The following VPS13D variants were observed in gnomAD, a reference collection of about 807,000 sequenced individuals.
VPS13D encodes the protein intermembrane lipid transfer protein VPS13D.
Under a neutral mutation model 461.9 loss-of-function variants are expected in VPS13D, and 187 were observed. That is an observed-to-expected ratio of 0.40 (90% CI 0.36 to 0.46). The LOEUF (loss-of-function observed/expected upper bound fraction) is 0.46, where lower values mean the gene tolerates loss of function less well. VPS13D is among the 20% of genes least tolerant of loss of function. The probability of loss-of-function intolerance (pLI) is 0.60; values close to 1 mark genes in which losing one functional copy is unlikely to be tolerated. For missense variants in VPS13D, 4,711 were observed against 5,364.9 expected, an observed-to-expected ratio of 0.88 and a Z score of 3.81; for synonymous variants, 1,951 against 1,986.3, an observed-to-expected ratio of 0.98 and a Z score of 0.47.
chr1:12,450,123 CA>C (rs1214266202), intron 65 of VPS13D, among the ~76,000 whole-genome samples: 1 of 149,208 alleles, frequency 6.7e-6, no homozygotes, highest in Non-Finnish European at 1.5e-5. Flanking sequence ...ACTCAGCCAG[CA>C]AAAAAAAAGA....
chr1:12,397,019 C>G (rs888985850), intron 60 of VPS13D, among the ~76,000 whole-genome samples: 2 of 152,118 alleles, frequency 1.3e-5, no homozygotes, highest in East Asian at 3.9e-4. Flanking sequence ...CTGCAACCTC[C>G]GCCTCCCAGG....
At chr1:12,480,143 C>T (rs1181220403) in intron 67 of VPS13D, among the ~76,000 whole-genome samples, 1 of 152,204 alleles carries the variant, frequency 6.6e-6, no homozygotes, top group Non-Finnish European at 1.5e-5. Flanking sequence ...AAATAATGAA[C>T]TACTGCAGCC....
intron 65 of VPS13D, among the ~76,000 whole-genome samples, chr1:12,431,911 A>G (rs1644996830): frequency 6.6e-6 from 1 of 152,180 alleles, no homozygotes; most frequent in African/African-American, 2.4e-5. Context: ...TCCCTTTATA[A>G]TTAGATTTAG....
At chr1:12,341,753 C>T (rs758784817) in intron 40 of VPS13D, 27 bp from the exon 41 acceptor site, 5 of 1,608,914 alleles carry the variant, frequency 3.1e-6, no homozygotes, top group Non-Finnish European at 4.3e-6. Context: ...GGGGCGTCTG[C>T]TCATAGCCTT....
Position 12,277,591 on chromosome 1 carries a change from G to A in VPS13D, c.4003G>A (p.Glu1335Lys), listed in dbSNP as rs1459123426. 2 of 1,613,756 alleles carry A rather than the reference G, an allele frequency of 1.2e-6. No individual in the cohort carries two copies. The highest frequency in any genetic ancestry group is 2.2e-5 in the East Asian group (1 of 44,906). Reference protein sequence around the residue: ...VTTVLATKTAEYSEMVSLFET... With the variant: ...VTTVLATKTAKYSEMVSLFET... ...CACAGTACTAGCTACCAAGACTGCC[G>A]AGTATAGCGAGATGGTATCGCTCTT... The change falls in exon 19 of 70, where the codon GAG becomes AAG. Residue 1335 changes from glutamate to lysine, a missense_variant. By Grantham distance (56) the Glu-to-Lys change is moderately conservative (BLOSUM62 1). Transcript: ENST00000620676.
Position 12,244,126 on chromosome 1 carries a change from A to T in VPS13D, c.176-120A>T, listed in dbSNP as rs554985131. Reference sequence around the variant, plus strand: ...GCAAGAGCCTGCTGCCTGTTGTTTTAAATAAAAAAAAGTAGTAACAGCAAT... The same window carrying T: ...GCAAGAGCCTGCTGCCTGTTGTTTTTAATAAAAAAAAGTAGTAACAGCAAT... On this transcript the variant is annotated intron_variant, in intron 3 of 69. Coordinates refer to ENST00000620676, the MANE Select transcript of VPS13D (RefSeq NM_015378.4). 1.9e-3 allele frequency: 1,944 copies of T among 1,003,206 alleles called. 4 individuals carry two copies. Among genetic ancestry groups the T allele is most frequent in the South Asian group, 2.5e-3 (135 of 54,934 alleles). 62.1% of individuals were successfully genotyped at this position (1,003,206 alleles called of 1,614,324 possible).
Position 12,314,986 on chromosome 1 carries a change from T to A in VPS13D, c.7148+659T>A, listed in dbSNP as rs149367277. Among the ~76,000 whole-genome samples the A allele has an allele frequency of 1.7e-3, 254 of 152,344 alleles. 3 individuals are homozygous for A. Among genetic ancestry groups the A allele is most frequent in the Middle Eastern group, 0.01 (3 of 294 alleles). ...CCACCTCATGGGGTAGAGGTAATAA[T>A]TAAAGTAATTCTGGCATATTGCTTG... On this transcript the variant is annotated intron_variant, in intron 30 of 69. Transcript: ENST00000620676.
At chr1:12,367,590 T>TTTATTTATTTATTTATTTA (rs1557736414) in intron 52 of VPS13D, 3 of 121,004 alleles carry the variant, frequency 2.5e-5, no homozygotes, top group African/African-American at 1.4e-4. Flanking sequence ...TTATTTATTT[T>TTTATTTATTTATTTATTTA]TGGAAACAGA....
intron 67 of VPS13D, among the ~76,000 whole-genome samples, chr1:12,474,820 TG>T (rs1477157097): frequency 1.6e-4 from 24 of 152,292 alleles, no homozygotes; most frequent in Admixed American, 1.4e-3. Flanking sequence ...AGGTAGCTCT[TG>T]GGGGAATAGC....
At chr1:12,392,833 G>A (rs781129820) in intron 60 of VPS13D, among the ~76,000 whole-genome samples, 14 of 152,152 alleles carry the variant, frequency 9.2e-5, no homozygotes, top group Non-Finnish European at 1.3e-4. Flanking sequence ...GGGTCATATG[G>A]CCCAGATGGC....
intron 54 of VPS13D, 25 bp downstream of exon 54, chr1:12,369,727 C>A: frequency 1.3e-6 from 2 of 1,599,980 alleles, no homozygotes; most frequent in South Asian, 2.2e-5. Context: ...AATTACTGTT[C>A]CTATAAAGCA....
chr1:12,332,728 G>A (rs1643361499), intron 37 of VPS13D, among the ~76,000 whole-genome samples: 1 of 151,896 alleles, frequency 6.6e-6, no homozygotes, highest in Admixed American at 6.6e-5. Context: ...GAGTGTTAGT[G>A]GTATTATTTT....
At chr1:12,315,249 CAA>C (rs1323191840) in intron 30 of VPS13D, among the ~76,000 whole-genome samples, 1 of 152,010 alleles carries the variant, frequency 6.6e-6, no homozygotes, top group East Asian at 1.9e-4. Flanking sequence ...TGTGTTTAAG[CAA>C]AAAACAGAAC....
intron 7 of VPS13D, among the ~76,000 whole-genome samples, chr1:12,255,238 G>A (rs186323205): frequency 5.0e-4 from 76 of 152,302 alleles, no homozygotes; most frequent in African/African-American, 1.8e-3. Flanking sequence ...GAGTCACCAT[G>A]CCCGGCAGGT....
At chr1:12,477,390 C>T (rs1479728130) in intron 67 of VPS13D, among the ~76,000 whole-genome samples, 1 of 152,156 alleles carries the variant, frequency 6.6e-6, no homozygotes, top group East Asian at 1.9e-4. Context: ...CCCACTAATA[C>T]ACAACAGCTC....
chr1:12,257,645 A>G (rs1343026248), intron 9 of VPS13D, among the ~76,000 whole-genome samples: 4 of 152,244 alleles, frequency 2.6e-5, no homozygotes, highest in African/African-American at 2.4e-5. Context: ...TTTACCTTAC[A>G]GTCAGCCTTC....
chr1:12,272,909 T>G (rs1006986187), intron 17 of VPS13D, 94 bp from the exon 18 acceptor site: 2 of 1,524,882 alleles, frequency 1.3e-6, no homozygotes, highest in Admixed American at 2.1e-5. Flanking sequence ...AGTCACTCCA[T>G]AATCCTAGCT....
chr1:12,285,292 ATTTAT>A (rs1641930295), intron 21 of VPS13D, among the ~76,000 whole-genome samples: 1 of 141,698 alleles, frequency 7.1e-6, no homozygotes. Flanking sequence ...TTATTTATTT[ATTTAT>A]TTTTTTTTTT....
intron 27 of VPS13D, among the ~76,000 whole-genome samples, chr1:12,310,480 A>G (rs1300535864): frequency 6.6e-6 from 1 of 152,176 alleles, no homozygotes; most frequent in Non-Finnish European, 1.5e-5. Flanking sequence ...GAGATGAGGT[A>G]CAGATGTGTG....
Sources: allele counts gnomAD v4.1 joint callset (sites outside exome capture counted in the v4.1 genomes callset), GRCh38; gene constraint gnomAD v4.1.1; transcripts MANE v1.5; gene names NCBI Gene and HGNC (gene_info 2026-07-23, HGNC 2026-07-21).